The following MAX variants were observed in gnomAD, a reference collection of about 807,000 sequenced individuals.
MAX encodes protein max.
MAX carries 3 observed loss-of-function variants against 22.3 expected under a neutral mutation model. That is an observed-to-expected ratio of 0.13 (90% CI 0.06 to 0.35). The LOEUF (loss-of-function observed/expected upper bound fraction) is 0.35. Among genes scored for constraint, MAX ranks in the 10% least tolerant of loss-of-function variants. MAX has a pLI of 1.00. For synonymous variants in MAX, 72 were observed against 77.7 expected, an observed-to-expected ratio of 0.93 and a Z score of 0.39; for missense variants, 119 against 209.4, an observed-to-expected ratio of 0.57 and a Z score of 2.66.
chr14:65,044,197 A>AGAAGCCACAAGATGG lies in MAX; in HGVS notation c.172-37928_172-37914dup. ...CCAGAGCACCAAAACTAGAGTGCCA[A>AGAAGCCACAAGATGG]GAAGCCACAAGATGGGAAACCCTCC... On this transcript the variant is annotated intron_variant, in intron 3 of 3. Coordinates refer to the MAX transcript ENST00000341653. This position sits in a 1 kb window ranked among gnomAD's most constrained non-coding sequence, Gnocchi z 5.5. The AGAAGCCACAAGATGG allele has an allele frequency of 1.3e-6, 2 of 1,567,156 alleles. No homozygotes were observed. Among genetic ancestry groups the AGAAGCCACAAGATGG allele is most frequent in the Non-Finnish European group, 1.7e-6 (2 of 1,153,352 alleles).
chr14:65,015,410 CTTTT>C (rs888923691), intron 3 of MAX: 760 of 155,390 alleles, frequency 4.9e-3, no homozygotes, highest in East Asian at 0.013. Context: ...GCCTTGTTAT[CTTTT>C]TTTTTTTTTT....
At chr14:65,097,042 C>A (rs2063694568) in intron 2 of MAX, among the ~76,000 whole-genome samples, 1 of 152,226 alleles carries the variant, frequency 6.6e-6, no homozygotes, top group African/African-American at 2.4e-5. Context: ...TCCACAGATG[C>A]TCAACAGAAA....
chr14:65,031,638 A>T lies in MAX; in HGVS notation c.172-25354T>A, dbSNP rs574004511. Among the ~76,000 whole-genome samples the T allele has an allele frequency of 8.3e-4, 126 of 151,896 alleles. 1 individual carries two copies. Among genetic ancestry groups the T allele is most frequent in the African/African-American group, 2.9e-3 (121 of 41,498 alleles). Reference sequence around the variant, plus strand: ...GCCTAATAATGCTTTTTTAAAAAATAGCCCGGGCGCGGTGGCTTATGCCTG... The same window carrying T: ...GCCTAATAATGCTTTTTTAAAAAATTGCCCGGGCGCGGTGGCTTATGCCTG... On this transcript the variant is annotated intron_variant, in intron 3 of 3. Coordinates refer to the MAX transcript ENST00000341653. This position sits in a 1 kb window ranked among gnomAD's most constrained non-coding sequence, Gnocchi z 4.6.
intron 3 of MAX, among the ~76,000 whole-genome samples, chr14:65,008,934 T>A (rs1424437571): frequency 6.6e-6 from 1 of 152,208 alleles, no homozygotes; most frequent in Non-Finnish European, 1.5e-5. Flanking sequence ...TGTCACCCTC[T>A]GCACAGTGAG....
Position 65,076,552 on chromosome 14 carries a change from C to T in MAX, c.407G>A (p.Gly136Glu). 3.1e-6 allele frequency: 5 copies of T among 1,614,076 alleles called. No homozygotes were observed. Among genetic ancestry groups the T allele is most frequent in the Non-Finnish European group, 4.2e-6 (5 of 1,180,008 alleles). Reference sequence around the variant, plus strand: ...AGACTCCGAGCTGGAGTCCGAGCCCCCATCGAAGGCAGAGATGGTGCTGCC... The same window carrying T: ...AGACTCCGAGCTGGAGTCCGAGCCCTCATCGAAGGCAGAGATGGTGCTGCC... ...AKGSTISAFD[G>E]GSDSSSESEP... Residue 136 changes from glycine to glutamate, a missense_variant, in exon 5 of 5, where the codon GGG (glycine) becomes GAG (glutamate). Coordinates refer to ENST00000358664, the MANE Select transcript of MAX (RefSeq NM_002382.5). The surrounding 1 kb of genome is among the most constrained non-coding windows in gnomAD (Gnocchi z 6.6).
At chr14:65,017,735 C>T (rs2061805383) in intron 3 of MAX, among the ~76,000 whole-genome samples, 1 of 152,040 alleles carries the variant, frequency 6.6e-6, no homozygotes, top group Non-Finnish European at 1.5e-5. Context: ...GTGGGTGGAT[C>T]ACTTGAGGTC....
chr14:65,008,112 C>T (rs2139495238), intron 3 of MAX, among the ~76,000 whole-genome samples: 1 of 152,336 alleles, frequency 6.6e-6, no homozygotes, highest in South Asian at 2.1e-4. Flanking sequence ...CAAGGTCTCA[C>T]AAATAAGTTC....
rs45440292 is a variant in MAX at position 65,076,071 on chromosome 14, C to T, written c.*405G>A. ...TCACAAAGTCTATCAGAGGTGAGGG[C>T]GGGCCAGGAGGCCACCTGGGCAGGG... is the stretch of plus-strand genomic sequence containing the variant. On this transcript the variant is annotated 3_prime_UTR_variant, in exon 5 of 5. Transcript: ENST00000358664. This position sits in a 1 kb window ranked among gnomAD's most constrained non-coding sequence, Gnocchi z 6.6. 13,652 of 1,220,868 alleles carry T rather than the reference C, an allele frequency of 0.011. 83 individuals carry two copies. The highest frequency in any genetic ancestry group is 0.013 in the Non-Finnish European group (12,473 of 975,998). The allele number at this position is 1,220,868 out of a possible 1,614,324, so 75.6% of individuals were successfully genotyped here. A position where few individuals can be genotyped will look rare whatever the true frequency, so the allele number is the denominator to read the frequency against.
intron 3 of MAX, among the ~76,000 whole-genome samples, chr14:65,058,160 C>G (rs138510428): frequency 1.1e-4 from 17 of 150,422 alleles, no homozygotes; most frequent in African/African-American, 4.1e-4. Context: ...GAACTGACTT[C>G]TTTTCAATAT....
chr14:65,078,124 T>G lies in MAX; in HGVS notation c.172-88A>C, dbSNP rs1219026541. On this transcript the variant is annotated intron_variant, in intron 3 of 4. Coordinates refer to ENST00000358664, the MANE Select transcript of MAX (RefSeq NM_002382.5). The surrounding 1 kb of genome is among the most constrained non-coding windows in gnomAD (Gnocchi z 6.4). ...ACCTGGCCTGCAGCAACTGCTTGGG[T>G]GGCTGGAAACGAGAGGGTAAGGTGG... The G allele has an allele frequency of 5.3e-6, 8 of 1,507,776 alleles. No individual in the cohort carries two copies. In the African/African-American group the frequency reaches 9.6e-5, roughly 18 times the overall value. The allele number at this position is 1,507,776 out of a possible 1,614,324, so 93.4% of individuals were successfully genotyped here. A position where few individuals can be genotyped will look rare whatever the true frequency, so the allele number is the denominator to read the frequency against.
Position 65,054,635 on chromosome 14 carries a change from C to T in MAX, c.171+39073G>A, listed in dbSNP as rs201282021. ...GCGGCCTGTCCATAGCCCAGCACTT[C>T]GGCAGCGGAGCCATGTTGCATGATG... is the stretch of plus-strand genomic sequence containing the variant. On this transcript the variant is annotated intron_variant, in intron 3 of 3. Coordinates refer to the MAX transcript ENST00000341653. The surrounding 1 kb of genome is among the most constrained non-coding windows in gnomAD (Gnocchi z 4.4). 8.1e-6 allele frequency: 13 copies of T among 1,613,800 alleles called. No homozygotes were observed. The highest frequency in any genetic ancestry group is 1.6e-4 in the Middle Eastern group (1 of 6,062).
rs781427165 is a variant in MAX, at chr14:65,102,378, G to A, written c.-39C>T. The stretch of plus-strand genomic sequence containing the variant: ...GGGAGCGGCCACTGCAGCGGCGGCG[G>A]GGAGGGGAAGGGGTGAAGGGGAGGG... On this transcript the variant is annotated 5_prime_UTR_variant, in exon 1 of 5. Coordinates refer to ENST00000358664, the MANE Select transcript of MAX (RefSeq NM_002382.5). The A allele has an allele frequency of 1.9e-6, 3 of 1,609,004 alleles. No homozygotes were observed. In the South Asian group the frequency reaches 3.3e-5, roughly 18 times the overall value.
intron 3 of MAX, among the ~76,000 whole-genome samples, chr14:65,052,445 G>T (rs1262070536): frequency 1.3e-5 from 2 of 152,170 alleles, no homozygotes; most frequent in East Asian, 3.9e-4. Context: ...ATTGACCAAG[G>T]ACTTAGTGTA....
chr14:65,049,513 G>A (rs1000921010), intron 3 of MAX, among the ~76,000 whole-genome samples: 1 of 152,192 alleles, frequency 6.6e-6, no homozygotes. Context: ...TTGTGATTAT[G>A]TGTGCTGGTG....
chr14:65,008,299 G>A (rs1445151310), intron 3 of MAX, among the ~76,000 whole-genome samples: 1 of 152,196 alleles, frequency 6.6e-6, no homozygotes, highest in Non-Finnish European at 1.5e-5. Flanking sequence ...TTTGGGGGGA[G>A]GAAGTGGCTT....
chr14:65,045,428 G>A (rs1419696266), intron 3 of MAX, among the ~76,000 whole-genome samples: 7 of 17,848 alleles, frequency 3.9e-4, no homozygotes, highest in Non-Finnish European at 6.0e-4. Flanking sequence ...CCTCCCCGCC[G>A]CCCCCGAGAT....
chr14:65,054,783 T>C lies in MAX; in HGVS notation c.171+38925A>G, dbSNP rs746032282. The C allele has an allele frequency of 4.4e-6, 6 of 1,364,870 alleles. No homozygotes were observed. The highest frequency in any genetic ancestry group is 6.1e-6 in the Non-Finnish European group (6 of 991,200). The allele number at this position is 1,364,870 out of a possible 1,614,324, so 84.5% of individuals were successfully genotyped here. A position where few individuals can be genotyped will look rare whatever the true frequency, so the allele number is the denominator to read the frequency against. ...AGCAGAACTGGCTCTGCATTTCCTG[T>C]GTGGACAGGCGGAAGCTTGTGGTCC... On this transcript the variant is annotated intron_variant, in intron 3 of 3. Coordinates refer to the MAX transcript ENST00000341653. The surrounding 1 kb of genome is among the most constrained non-coding windows in gnomAD (Gnocchi z 4.4).
At chr14:65,058,405 T>C (rs2139691175) in intron 3 of MAX, among the ~76,000 whole-genome samples, 1 of 152,290 alleles carries the variant, frequency 6.6e-6, no homozygotes, top group East Asian at 1.9e-4. Context: ...CCAGCCACCT[T>C]GTTGAACTCT....
At chr14:65,080,315 TC>T (rs1277147819) in intron 3 of MAX, among the ~76,000 whole-genome samples, 1 of 152,190 alleles carries the variant, frequency 6.6e-6, no homozygotes, top group Non-Finnish European at 1.5e-5. Flanking sequence ...GAATGAGAGT[TC>T]CTAGCCTAGC....
Sources: allele counts gnomAD v4.1 joint callset (sites outside exome capture counted in the v4.1 genomes callset), GRCh38; gene constraint gnomAD v4.1.1; non-coding constraint Gnocchi (gnomAD v3.1); transcripts MANE v1.5; gene names NCBI Gene and HGNC (gene_info 2026-07-23, HGNC 2026-07-21).